Variants in E2F6 observed in about 807,000 individuals in gnomAD.
E2F6 encodes transcription factor E2F6.
A neutral mutation model predicts 31.5 loss-of-function variants in E2F6; 19 were observed. The observed-to-expected ratio is 0.60, with a 90% confidence interval of 0.42 to 0.89. The LOEUF is 0.89. Among genes scored for constraint, E2F6 ranks in the 40% least tolerant of loss-of-function variants. The pLI is 0.00. For missense variants in E2F6, 269 were observed against 341.6 expected (o/e 0.79, Z 1.67); for synonymous variants, 121 against 127.7 (o/e 0.95, Z 0.36).
intron 3 of E2F6, among the ~76,000 whole-genome samples, chr2:11,452,491 C>G (rs1671132177): frequency 6.6e-6 from 1 of 151,908 alleles, no homozygotes. Context: ...GTAATCCCAG[C>G]TACTGGGGAG....
Position 11,445,056 on chromosome 2 carries a change from G to A in E2F6, c.*1421C>T, listed in dbSNP as rs922509506. On this transcript the variant is annotated 3_prime_UTR_variant, in exon 7 of 7. Coordinates refer to ENST00000381525, the MANE Select transcript of E2F6 (RefSeq NM_198256.4). ...CTGCAGGAAGGGCTGGTGCTCAGCA[G>A]AGGGACAGGACTGGCAAAAGCCACC... The A allele has an allele frequency of 1.3e-5, 2 of 152,268 alleles. No individual in the cohort carries two copies. Among genetic ancestry groups the A allele is most frequent in the Non-Finnish European group, 2.9e-5 (2 of 68,058 alleles). 9.4% of individuals were successfully genotyped at this position (152,268 alleles called of 1,614,324 possible).
chr2:11,451,549 T>A (rs2148340735), intron 4 of E2F6, 102 bp downstream of exon 4: 1 of 1,211,408 alleles, frequency 8.3e-7, no homozygotes, highest in East Asian at 2.8e-5. Flanking sequence ...TGGTCTAATT[T>A]TATATCTTAA....
At position 11,451,751 on chromosome 2, in the gene E2F6, C is replaced by G. The variant is rs778009538; in HGVS notation, c.436G>C (p.Glu146Gln). ...TCCATTGCTGATAAGTCAGAAAGTT[C>G]CTCCTGTAGCTTCTTTTGTTGGGGA... ...AVPQQKKLQE[E>Q]LSDLSAMEDA... is the part of the protein sequence containing the mutation. The change falls in exon 4 of 7, where the codon GAA becomes CAA. Residue 146 changes from glutamate to glutamine, a missense_variant. Physicochemically the swap from Glu to Gln is conservative, Grantham distance 29. Coordinates refer to ENST00000381525, the MANE Select transcript of E2F6 (RefSeq NM_198256.4). 1.1e-5 allele frequency: 18 copies of G among 1,608,770 alleles called. No homozygotes were observed. Among genetic ancestry groups the G allele is most frequent in the Admixed American group, 1.7e-5 (1 of 59,628 alleles).
intron 5 of E2F6, 97 bp from the exon 6 acceptor site, chr2:11,447,871 T>C: frequency 7.2e-7 from 1 of 1,398,506 alleles, no homozygotes; most frequent in Non-Finnish European, 9.7e-7. Context: ...TTTGAGAAAA[T>C]CACCTTAGCT....
intron 6 of E2F6, 37 bp downstream of exon 6, chr2:11,447,590 T>C: frequency 2.5e-6 from 4 of 1,598,052 alleles, no homozygotes; most frequent in Non-Finnish European, 3.4e-6. Context: ...TTATGCATGC[T>C]TAATTAAAAT....
intron 5 of E2F6, among the ~76,000 whole-genome samples, chr2:11,448,344 C>T (rs1205557084): frequency 6.6e-6 from 1 of 152,302 alleles, no homozygotes; most frequent in East Asian, 1.9e-4. Flanking sequence ...AGTGCTTCTA[C>T]TGGGAATTAT....
chr2:11,447,542 GT>G, intron 6 of E2F6, 84 bp downstream of exon 6: 2 of 1,448,536 alleles, frequency 1.4e-6, no homozygotes, highest in Non-Finnish European at 1.9e-6. Context: ...GCTAGGAAGA[GT>G]AAAAATATCT....
At position 11,450,092 on chromosome 2, in the gene E2F6, T is replaced by C. The variant is rs539069183; in HGVS notation, c.571A>G (p.Ile191Val). Residue 191 changes from isoleucine to valine, a missense_variant, in exon 5 of 7, where the codon ATT (isoleucine) becomes GTT (valine). Ile to Val is a conservative substitution (Grantham distance 29). Transcript: ENST00000381525. Reference sequence around the variant, plus strand: ...ACGATCTGTTCATGGAAGGCCTGAATGCTATGAATGTCTTGATAGGTCACA... The same window carrying C: ...ACGATCTGTTCATGGAAGGCCTGAACGCTATGAATGTCTTGATAGGTCACA... ...AYVTYQDIHS[I>V]QAFHEQIVIA... 6.2e-7 allele frequency: 1 copy of C among 1,613,484 alleles called. No homozygotes were observed. Among genetic ancestry groups the C allele is most frequent in the South Asian group, 1.1e-5 (1 of 91,030 alleles).
At position 11,466,107 on chromosome 2, in the gene E2F6, G is replaced by C. The variant is rs946181086; in HGVS notation, c.-228C>G. ...GACGCAGACGGAAAAAGAGGAGGGA[G>C]ACCCGCGGATCTCAAGTCGCCCGGC... On this transcript the variant is annotated 5_prime_UTR_variant, in exon 1 of 7. Transcript: ENST00000381525. 1 of 494,566 alleles carries C rather than the reference G, an allele frequency of 2.0e-6. No individual in the cohort carries two copies. The highest frequency in any genetic ancestry group is 2.1e-5 in the African/African-American group (1 of 48,608). The allele number at this position is 494,566 out of a possible 1,614,324, so 30.6% of individuals were successfully genotyped here.
Position 11,453,712 on chromosome 2 carries a change from C to T in E2F6, c.250G>A (p.Gly84Arg), listed in dbSNP as rs769233058. The T allele has an allele frequency of 6.8e-6, 11 of 1,613,966 alleles. No homozygotes were observed. The highest frequency in any genetic ancestry group is 4.5e-5 in the East Asian group (2 of 44,898). Residue 84 changes from glycine (G) to arginine (R), a missense_variant, in exon 3 of 7, where the codon GGG (glycine) becomes AGG (arginine). Transcript: ENST00000381525. ...KFMDLVRSAPGGILDLNKVAT... is the reference protein window; with the variant it reads ...KFMDLVRSAPRGILDLNKVAT... ...ACCTTGTTTAAGTCAAGAATACCCC[C>T]GGGAGCAGATCTGACAAGATCCATA...
intron 3 of E2F6, among the ~76,000 whole-genome samples, chr2:11,453,057 T>C (rs1273605197): frequency 6.6e-6 from 1 of 152,246 alleles, no homozygotes; most frequent in Admixed American, 6.5e-5. Flanking sequence ...AACAGCATTC[T>C]CATGTGTGCA....
At chr2:11,458,622 G>A (rs1671561626) in intron 1 of E2F6, among the ~76,000 whole-genome samples, 1 of 152,224 alleles carries the variant, frequency 6.6e-6, no homozygotes, top group South Asian at 2.1e-4. Context: ...AAGTATGGCA[G>A]CAATATGGCA....
At chr2:11,449,713 G>T (rs1670941082) in intron 5 of E2F6, among the ~76,000 whole-genome samples, 2 of 152,164 alleles carry the variant, frequency 1.3e-5, no homozygotes, top group African/African-American at 4.8e-5. Flanking sequence ...CTTCTAAGAA[G>T]CACTGCAGTA....
intron 5 of E2F6, among the ~76,000 whole-genome samples, chr2:11,449,605 TA>T (rs1207793428): frequency 1.3e-5 from 2 of 152,242 alleles, no homozygotes; most frequent in Non-Finnish European, 2.9e-5. Flanking sequence ...CGTCCTGGTT[TA>T]TTCATCAGTC....
chr2:11,459,294 C>T (rs754886659), intron 1 of E2F6, among the ~76,000 whole-genome samples: 1 of 152,178 alleles, frequency 6.6e-6, no homozygotes, highest in African/African-American at 2.4e-5. Context: ...TCTAGGGTGT[C>T]TTCTCTGCTA....
chr2:11,457,109 TAAAC>T (rs1277078871), intron 2 of E2F6, 66 bp downstream of exon 2: 12 of 1,210,156 alleles, frequency 9.9e-6, no homozygotes, highest in African/African-American at 3.0e-5. Flanking sequence ...CTCATACACT[TAAAC>T]AAATCATTTT....
intron 5 of E2F6, among the ~76,000 whole-genome samples, chr2:11,448,092 G>C (rs751023240): frequency 3.9e-5 from 6 of 152,152 alleles, no homozygotes; most frequent in Non-Finnish European, 8.8e-5. Context: ...AGTCTCACAG[G>C]ATAAATATGT....
intron 1 of E2F6, chr2:11,458,234 A>G (rs1218011290): frequency 6.5e-7 from 1 of 1,546,990 alleles, no homozygotes; most frequent in Admixed American, 2.0e-5. Flanking sequence ...TACTCTAAGA[A>G]GAGAATCAAC....
In E2F6 at chr2:11,460,273, T is replaced by C. The variant is rs1177358854; in HGVS notation, c.109-3040A>G. On this transcript the variant is annotated intron_variant, in intron 1 of 6. Coordinates refer to ENST00000381525, the MANE Select transcript of E2F6 (RefSeq NM_198256.4). ...TGGGGAGCAATATTCCTTCAAGAGG[T>C]CTTTGGAAAGGTTATTGCATTCTCA... Among the ~76,000 whole-genome samples, 4 of 151,832 alleles carry C rather than the reference T, an allele frequency of 2.6e-5. No homozygotes were observed. The South Asian group carries it at 6.3e-4, about 24-fold the overall frequency.
Sources: gnomAD v4.1 joint callset for allele counts (sites outside exome capture counted in the v4.1 genomes callset) on GRCh38, gnomAD v4.1.1 for gene constraint, MANE v1.5 for transcripts, NCBI Gene and HGNC (gene_info 2026-07-23, HGNC 2026-07-21) for gene names.